The following ARID1B variants were observed in gnomAD, a reference collection of about 807,000 sequenced individuals.
The protein encoded by ARID1B is AT-rich interaction domain 1B.
In ARID1B, 30 loss-of-function variants were observed where a neutral mutation model predicts 212.3. The ratio of observed to expected loss-of-function variants is 0.14; its 90% CI spans 0.11 to 0.19. ARID1B has a LOEUF of 0.19. Among genes scored for constraint, ARID1B ranks in the 10% least tolerant of loss-of-function variants. The pLI is 1.00. For synonymous variants in ARID1B, 1,402 were observed against 1,301.7 expected (o/e 1.08, Z -1.66); for missense variants, 2,891 against 3,204.0 (o/e 0.90, Z 2.36).
intron 6 of ARID1B, among the ~76,000 whole-genome samples, chr6:157,118,926 A>ATACTTATTTG (rs1787515222): frequency 6.6e-6 from 1 of 152,240 alleles, no homozygotes; most frequent in African/African-American, 2.4e-5. Flanking sequence ...TTAATACTTA[A>ATACTTATTTG]TACTTATTTG....
At position 156,779,359 on chromosome 6, in the gene ARID1B, AGGACAT is replaced by A; in HGVS notation, c.1682_1687del (p.Asp561_Met562del). ...GCGGCCGCGGGCATGGGCTTGGGCA[AGGACAT>A]GGGCGCCCAGTACGCCGCTGCCAGC... On this transcript the variant is annotated inframe_deletion, in exon 1 of 20. Transcript: ENST00000636930. The A allele has an allele frequency of 7.8e-7, 1 of 1,273,946 alleles. No homozygotes were observed. Among genetic ancestry groups the A allele is most frequent in the Non-Finnish European group, 9.9e-7 (1 of 1,006,748 alleles). 78.9% of individuals were successfully genotyped at this position (1,273,946 alleles called of 1,614,324 possible). A position where few individuals can be genotyped will look rare whatever the true frequency, so the allele number is the denominator to read the frequency against.
chr6:156,901,609 A>G, intron 3 of ARID1B, 84 bp downstream of exon 3: 1 of 1,463,808 alleles, frequency 6.8e-7, no homozygotes, highest in Non-Finnish European at 9.1e-7. Flanking sequence ...GTCCTTTATT[A>G]AAAATTATGT....
chr6:157,208,338 C>T lies in ARID1B; in HGVS notation c.*447C>T, dbSNP rs998822282. 5.1e-5 allele frequency: 12 copies of T among 233,722 alleles called. No individual in the cohort carries two copies. The highest frequency in any genetic ancestry group is 1.0e-4 in the Non-Finnish European group (12 of 118,288). 14.5% of individuals were successfully genotyped at this position (233,722 alleles called of 1,614,324 possible). A position where few individuals can be genotyped will look rare whatever the true frequency, so the allele number is the denominator to read the frequency against. ...TATCCATTTCCTATGCGTTTTACTC[C>T]TCAGAGAATGAAAAAAACTGCATCC... On this transcript the variant is annotated 3_prime_UTR_variant, in exon 20 of 20. Transcript: ENST00000636930.
Position 157,075,883 on chromosome 6 carries a change from T to C in ARID1B, c.2248-8779T>C, listed in dbSNP as rs374108831. On this transcript the variant is annotated intron_variant, in intron 4 of 19. Coordinates refer to ENST00000636930, the MANE Select transcript of ARID1B (RefSeq NM_001374828.1). The stretch of plus-strand genomic sequence containing the variant: ...GAAAGACTGGGAAACTGTCACAGAA[T>C]GGAGGAGGCTAAGGAGACACGGCGA... Among the ~76,000 whole-genome samples the C allele has an allele frequency of 1.0e-3, 152 of 152,238 alleles. 4 individuals are homozygous for C. In the South Asian group the frequency reaches 0.023, roughly 24 times the overall value.
At chr6:156,906,080 G>C (rs1201395481) in intron 3 of ARID1B, among the ~76,000 whole-genome samples, 1 of 152,216 alleles carries the variant, frequency 6.6e-6, no homozygotes, top group Non-Finnish European at 1.5e-5. Context: ...CTGTGGAAAG[G>C]GGGAGGTGGG....
At chr6:156,826,186 G>A (rs11969895) in intron 1 of ARID1B, among the ~76,000 whole-genome samples, 6,470 of 152,242 alleles carry the variant, frequency 0.042, 504 homozygotes, top group African/African-American at 0.15. Flanking sequence ...GGGGCCTGGG[G>A]CAAAGCACCC....
At chr6:157,083,101 T>A (rs1229599693) in intron 4 of ARID1B, among the ~76,000 whole-genome samples, 1 of 152,158 alleles carries the variant, frequency 6.6e-6, no homozygotes, top group Non-Finnish European at 1.5e-5. Flanking sequence ...TTTTTGTACT[T>A]TCTGGTCTAG....
At position 157,203,138 on chromosome 6, in the gene ARID1B, C is replaced by T. The variant is rs1296788069; in HGVS notation, c.5264-728C>T. On this transcript the variant is annotated intron_variant, in intron 18 of 19. Transcript: ENST00000636930. This position sits in a 1 kb window ranked among gnomAD's most constrained non-coding sequence, Gnocchi z 4.4. ...ATTCTTGGTGCCTGGAGAATGCCCC[C>T]AGCCTCCAGGCAGCTCCAGGGATCT... Among the ~76,000 whole-genome samples, 1 of 150,958 alleles carries T rather than the reference C, an allele frequency of 6.6e-6. No individual in the cohort carries two copies. The highest frequency in any genetic ancestry group is 6.6e-5 in the Admixed American group (1 of 15,228).
chr6:157,174,055 C>A lies in ARID1B; in HGVS notation c.3283C>A (p.Pro1095Thr). The change falls in exon 10 of 20, where the codon CCC (proline) becomes ACC (threonine). Residue 1095 changes from proline to threonine, a missense_variant. Pro to Thr is a conservative substitution (Grantham distance 38). Around this residue, in one of 7 missense-constraint regions of ARID1B, gnomAD observed 1,643 missense variants for 1,544.0 expected, o/e 1.06. Transcript: ENST00000636930. ...DMMSPGESKL[P>T]LPLKADGKEE... is the part of the protein sequence containing the mutation. Reference sequence around the variant, plus strand: ...GATGTCTCCTGGTGAATCCAAACTGCCCCTGCCTCTCAAAGCAGACGGCAA... The same window carrying A: ...GATGTCTCCTGGTGAATCCAAACTGACCCTGCCTCTCAAAGCAGACGGCAA... 2.5e-6 allele frequency: 4 copies of A among 1,614,140 alleles called. No individual in the cohort carries two copies. Among genetic ancestry groups the A allele is most frequent in the Non-Finnish European group, 3.4e-6 (4 of 1,180,024 alleles).
chr6:156,817,092 A>G (rs1026454106), intron 1 of ARID1B, among the ~76,000 whole-genome samples: 6 of 151,102 alleles, frequency 4.0e-5, no homozygotes, highest in African/African-American at 1.2e-4. Context: ...AAAAAAAAAA[A>G]GAAAAAAAAA....
At chr6:157,059,612 A>G (rs992539079) in intron 4 of ARID1B, among the ~76,000 whole-genome samples, 1 of 152,218 alleles carries the variant, frequency 6.6e-6, no homozygotes, top group African/African-American at 2.4e-5. Context: ...AATTGTTTTC[A>G]GTGGGCCAGG....
chr6:156,776,573 A>G (rs1045995206), upstream of ARID1B: 3 of 152,230 alleles, frequency 2.0e-5, no homozygotes, highest in South Asian at 4.1e-4. Flanking sequence ...CAAGAGTTAA[A>G]TGTTCATGTG....
chr6:156,801,795 TG>T (rs1029025247), intron 1 of ARID1B, among the ~76,000 whole-genome samples: 3 of 152,168 alleles, frequency 2.0e-5, no homozygotes, highest in African/African-American at 7.2e-5. Flanking sequence ...GTTTAGTTAG[TG>T]TTTTTTTTCT....
At chr6:156,990,825 T>G (rs1453126792) in intron 4 of ARID1B, among the ~76,000 whole-genome samples, 1 of 152,134 alleles carries the variant, frequency 6.6e-6, no homozygotes, top group Non-Finnish European at 1.5e-5. Context: ...AACCCTTGGT[T>G]TTATTTTATA....
chr6:156,856,672 C>CCTCTCTCTCTCTCTCTCTCT (rs367924636), intron 2 of ARID1B, among the ~76,000 whole-genome samples: 20 of 108,722 alleles, frequency 1.8e-4, no homozygotes, highest in Non-Finnish European at 2.5e-4. Flanking sequence ...GCATGCATAT[C>CCTCTCTCTCTCTCTCTCTCT]CTCTCTCTCT....
intron 10 of ARID1B, 145 bp from the exon 11 acceptor site, chr6:157,174,702 T>G (rs886342087): frequency 1.5e-4 from 38 of 261,534 alleles, no homozygotes; most frequent in Middle Eastern, 1.4e-3. Flanking sequence ...TTTTGTGTGT[T>G]TGTTTGTACA....
chr6:157,070,029 A>G lies in ARID1B; in HGVS notation c.2248-14633A>G, dbSNP rs576728347. Among the ~76,000 whole-genome samples the G allele has an allele frequency of 4.0e-3, 610 of 152,312 alleles. 3 individuals carry two copies. Among genetic ancestry groups the G allele is most frequent in the Non-Finnish European group, 6.9e-3 (469 of 68,024 alleles). On this transcript the variant is annotated intron_variant, in intron 4 of 19. Transcript: ENST00000636930. ...TGTTTTTGCATACATATTATGCTTA[A>G]AGATATGTTGTTGCCTATACCTAAG...
chr6:156,891,999 G>A (rs1261014580), intron 2 of ARID1B, among the ~76,000 whole-genome samples: 1 of 148,564 alleles, frequency 6.7e-6, no homozygotes, highest in African/African-American at 2.5e-5. Flanking sequence ...ACTCTCCTGA[G>A]TAGCTGGGAC....
intron 3 of ARID1B, among the ~76,000 whole-genome samples, chr6:156,905,536 C>T (rs968297935): frequency 5.9e-5 from 9 of 152,188 alleles, no homozygotes; most frequent in Non-Finnish European, 1.3e-4. Context: ...ATTCCATTTA[C>T]AGTACCTTCC....
Sources: gnomAD v4.1 joint callset for allele counts (sites outside exome capture counted in the v4.1 genomes callset) on GRCh38, gnomAD v4.1.1 for gene constraint, gnomAD v4.1.1 regional missense constraint, Gnocchi (gnomAD v3.1) non-coding constraint, MANE v1.5 for transcripts, NCBI Gene and HGNC (gene_info 2026-07-23, HGNC 2026-07-21) for gene names.